The following RALGPS1 variants were observed in gnomAD, a reference collection of about 807,000 sequenced individuals.
RALGPS1 encodes Ral GEF with PH domain and SH3 binding motif 1.
Under a neutral mutation model 78.8 loss-of-function variants are expected in RALGPS1, and 19 were observed. The observed-to-expected ratio is 0.24, with a 90% CI of 0.17 to 0.35. RALGPS1 has a LOEUF of 0.35. Among genes scored for constraint, RALGPS1 ranks in the 10% least tolerant of loss-of-function variants. The probability of loss-of-function intolerance (pLI) is 1.00; values close to 1 mark genes in which losing one functional copy is unlikely to be tolerated. For synonymous variants in RALGPS1, 228 were observed against 256.3 expected (o/e 0.89, Z 1.06); for missense variants, 454 against 688.3 (o/e 0.66, Z 3.81).
At chr9:127,087,249 G>A (rs2051862512) in intron 8 of RALGPS1, 2 of 152,458 alleles carry the variant, frequency 1.3e-5, no homozygotes, top group South Asian at 4.1e-4. Context: ...GTGTGTCCTG[G>A]TGCCGAATCT....
rs546790075 is a variant in RALGPS1, at chr9:127,212,970, T to C, written c.1473T>C (p.Val491=). The change falls in exon 17 of 19, where the codon GTT becomes GTC. Residue 491 remains valine (V), a synonymous_variant. Coordinates refer to ENST00000259351, the MANE Select transcript of RALGPS1 (RefSeq NM_014636.3). This position sits in a 1 kb window ranked among gnomAD's most constrained non-coding sequence, Gnocchi z 6.0. ...KHYKSTPGKK[V]SIVGWMVQLP... is the part of the protein sequence containing the mutation. ...ATAAATCCACACCTGGCAAAAAGGT[T>C]TCCATCGTGGGCTGGATGGTGCAGC... 23 of 1,614,036 alleles carry C rather than the reference T, an allele frequency of 1.4e-5. No homozygotes were observed. The highest frequency in any genetic ancestry group is 1.9e-5 in the Non-Finnish European group (22 of 1,180,036).
intron 4 of RALGPS1, among the ~76,000 whole-genome samples, chr9:127,000,243 T>A (rs900415876): frequency 3.3e-5 from 5 of 152,154 alleles, no homozygotes; most frequent in African/African-American, 1.2e-4. Flanking sequence ...ACTTTGGGTT[T>A]AATTTGCTCT....
chr9:126,948,512 C>G (rs908494812), intron 1 of RALGPS1, among the ~76,000 whole-genome samples: 2 of 152,110 alleles, frequency 1.3e-5, no homozygotes, highest in African/African-American at 4.8e-5. Context: ...CAGAGTGAAA[C>G]TCCATCTCAA....
chr9:127,107,105 T>C (rs946232021), intron 8 of RALGPS1: 7 of 152,060 alleles, frequency 4.6e-5, no homozygotes, highest in African/African-American at 1.7e-4. Context: ...ATTCCTAGAG[T>C]CCTAGAGCAT....
intron 4 of RALGPS1, among the ~76,000 whole-genome samples, chr9:127,025,525 C>T (rs1383166173): frequency 6.6e-6 from 1 of 152,148 alleles, no homozygotes; most frequent in Non-Finnish European, 1.5e-5. Flanking sequence ...TCCTCCATAG[C>T]ACCTGGTATT....
At chr9:127,021,925 T>C (rs1288852640) in intron 4 of RALGPS1, among the ~76,000 whole-genome samples, 1 of 152,114 alleles carries the variant, frequency 6.6e-6, no homozygotes, top group African/African-American at 2.4e-5. Flanking sequence ...TACGTAGTAC[T>C]AGGGCTGGAG....
At chr9:127,118,630 A>G (rs1213246747) in intron 8 of RALGPS1, among the ~76,000 whole-genome samples, 1 of 152,288 alleles carries the variant, frequency 6.6e-6, no homozygotes, top group African/African-American at 2.4e-5. Context: ...GGACAGCACC[A>G]CCCACCTTGA....
At chr9:127,103,644 G>C (rs1000123215) in intron 8 of RALGPS1, among the ~76,000 whole-genome samples, 2 of 152,180 alleles carry the variant, frequency 1.3e-5, no homozygotes, top group African/African-American at 4.8e-5. Context: ...GCCTAGGGAG[G>C]GGGAGCATGA....
chr9:127,126,153 C>T (rs940807187), intron 8 of RALGPS1, among the ~76,000 whole-genome samples: 5 of 152,108 alleles, frequency 3.3e-5, no homozygotes, highest in Non-Finnish European at 7.4e-5. Flanking sequence ...CCACCCCTAC[C>T]CCCAACTCCC....
At position 127,076,058 on chromosome 9, in the gene RALGPS1, T is replaced by C. The variant is rs536181817; in HGVS notation, c.610+6702T>C. Among the ~76,000 whole-genome samples the C allele has an allele frequency of 2.0e-5, 3 of 152,362 alleles. No individual in the cohort carries two copies. The South Asian group carries it at 6.2e-4, about 32-fold the overall frequency. On this transcript the variant is annotated intron_variant, in intron 8 of 18. Coordinates refer to ENST00000259351, the MANE Select transcript of RALGPS1 (RefSeq NM_014636.3). ...ATTACATTTATAAAATAAGACTCTT[T>C]GAATCAAAAAGTTTCTTGCAGATTA...
chr9:127,136,733 C>G (rs1264053662), intron 8 of RALGPS1, among the ~76,000 whole-genome samples: 1 of 152,124 alleles, frequency 6.6e-6, no homozygotes, highest in Non-Finnish European at 1.5e-5. Context: ...TGTGATCACG[C>G]AGGACCTGGT....
At chr9:126,993,493 G>A (rs1326608079) in intron 4 of RALGPS1, among the ~76,000 whole-genome samples, 3 of 150,648 alleles carry the variant, frequency 2.0e-5, no homozygotes, top group African/African-American at 7.3e-5. Flanking sequence ...GATATCACCA[G>A]TAGAGCCACC....
chr9:126,989,789 C>T, intron 4 of RALGPS1: 2 of 1,446,840 alleles, frequency 1.4e-6, no homozygotes, highest in South Asian at 1.5e-5. Context: ...CTGTGGGACA[C>T]TTACTCTAGA....
In RALGPS1 at chr9:127,199,073, G is replaced by A; in HGVS notation, c.1247+7G>A. ...TGTCTTCAGGGCTGGAAAGGTGAGT[G>A]TGGCCTCAGCATGGCCTCCCTCCCA... On this transcript the variant is annotated splice_region_variant and intron_variant, in intron 14 of 18. Coordinates refer to ENST00000259351, the MANE Select transcript of RALGPS1 (RefSeq NM_014636.3). The A allele has an allele frequency of 6.2e-7, 1 of 1,613,546 alleles. No homozygotes were observed. Among genetic ancestry groups the A allele is most frequent in the Non-Finnish European group, 8.5e-7 (1 of 1,179,422 alleles).
intron 8 of RALGPS1, among the ~76,000 whole-genome samples, chr9:127,098,003 A>G (rs1258413528): frequency 1.3e-5 from 2 of 152,212 alleles, no homozygotes; most frequent in Non-Finnish European, 2.9e-5. Context: ...TGCTCTGTGA[A>G]GATTATCCCT....
intron 8 of RALGPS1, among the ~76,000 whole-genome samples, chr9:127,115,198 T>A (rs2055274218): frequency 6.6e-6 from 1 of 152,022 alleles, no homozygotes; most frequent in Admixed American, 6.5e-5. Context: ...TTATTATTAT[T>A]ATTATTTTGA....
At chr9:127,086,591 G>A (rs1340909391) in intron 8 of RALGPS1, among the ~76,000 whole-genome samples, 1 of 152,232 alleles carries the variant, frequency 6.6e-6, no homozygotes, top group African/African-American at 2.4e-5. Flanking sequence ...AGCATAGCAC[G>A]AATATTCTGT....
chr9:127,107,799 AT>A, intron 8 of RALGPS1: 1 of 1,078,924 alleles, frequency 9.3e-7, no homozygotes, highest in African/African-American at 1.6e-5. Context: ...GGGATTGTGC[AT>A]GTCTTTGGCC....
At chr9:127,064,695 C>G (rs1436846377) in intron 7 of RALGPS1, among the ~76,000 whole-genome samples, 1 of 152,172 alleles carries the variant, frequency 6.6e-6, no homozygotes, top group East Asian at 1.9e-4. Flanking sequence ...TTTCCTGAAC[C>G]ACCTTCCCTT....
Sources: gnomAD v4.1 joint callset for allele counts (sites outside exome capture counted in the v4.1 genomes callset) on GRCh38, gnomAD v4.1.1 for gene constraint, Gnocchi (gnomAD v3.1) non-coding constraint, MANE v1.5 for transcripts, NCBI Gene and HGNC (gene_info 2026-07-23, HGNC 2026-07-21) for gene names.